The following CDH23 variants were observed in gnomAD, a reference collection of about 807,000 sequenced individuals.
The protein encoded by CDH23 is cadherin-23.
Under a neutral mutation model 317.1 loss-of-function variants are expected in CDH23, and 189 were observed. The ratio of observed to expected loss-of-function variants is 0.60; its 90% CI spans 0.53 to 0.67. The LOEUF (loss-of-function observed/expected upper bound fraction) is 0.67, where lower values mean the gene tolerates loss of function less well. Ranked by LOEUF, CDH23 falls within the 30% of genes least tolerant of loss-of-function variation. The pLI, the probability that CDH23 is intolerant of heterozygous loss-of-function variation, is 0.00. For missense variants in CDH23, 4,401 were observed against 4,592.4 expected (o/e 0.96, Z 1.20); for synonymous variants, 1,839 against 1,876.8 (o/e 0.98, Z 0.52).
intron 41 of CDH23, among the ~76,000 whole-genome samples, chr10:71,780,946 A>G (rs1840935562): frequency 6.6e-6 from 1 of 152,138 alleles, no homozygotes; most frequent in Non-Finnish European, 1.5e-5. Flanking sequence ...ATGTGAGAGA[A>G]AGTCAAGGTT....
intron 14 of CDH23, among the ~76,000 whole-genome samples, chr10:71,672,415 T>C (rs1196663823): frequency 3.9e-5 from 6 of 152,172 alleles, no homozygotes; most frequent in African/African-American, 1.4e-4. Context: ...AGGTCAGTGC[T>C]GCTGCCCTCA....
intron 14 of CDH23, among the ~76,000 whole-genome samples, chr10:71,671,904 A>G (rs1864164049): frequency 6.6e-6 from 1 of 152,186 alleles, no homozygotes; most frequent in South Asian, 2.1e-4. Flanking sequence ...AATATGTGTC[A>G]TGAGAACGTG....
intron 14 of CDH23, among the ~76,000 whole-genome samples, chr10:71,668,370 T>A (rs932294195): frequency 2.6e-5 from 4 of 152,192 alleles, no homozygotes; most frequent in Non-Finnish European, 5.9e-5. Flanking sequence ...CTGGATCCCA[T>A]GGCCGAGCTC....
At chr10:71,761,952 T>C (rs143578704) in intron 38 of CDH23, 2 of 1,613,864 alleles carry the variant, frequency 1.2e-6, no homozygotes, top group African/African-American at 2.7e-5. Context: ...AGCCTGCAGG[T>C]GAGGGTGACG....
At chr10:71,625,527 C>T (rs958383258) in intron 11 of CDH23, among the ~76,000 whole-genome samples, 3 of 151,594 alleles carry the variant, frequency 2.0e-5, no homozygotes, top group South Asian at 2.1e-4. Context: ...TTCTCCTGCT[C>T]ATCTCAGTCT....
intron 9 of CDH23, among the ~76,000 whole-genome samples, chr10:71,592,885 C>T (rs995042130): frequency 2.6e-5 from 4 of 152,170 alleles, no homozygotes; most frequent in Non-Finnish European, 4.4e-5. Context: ...GCCTCTTCTT[C>T]GCGCCGCTCT....
chr10:71,646,015 T>C, intron 13 of CDH23, 35 bp downstream of exon 13: 1 of 1,596,008 alleles, frequency 6.3e-7, no homozygotes, highest in Non-Finnish European at 8.5e-7. Context: ...TGGAGTGGGG[T>C]GGGGGGTGGA....
intron 1 of CDH23, among the ~76,000 whole-genome samples, chr10:71,438,682 A>G (rs557422861): frequency 2.0e-5 from 3 of 152,246 alleles, no homozygotes; most frequent in Admixed American, 2.0e-4. Flanking sequence ...AGCTCTATTC[A>G]CTGCCCTGTG....
chr10:71,724,042 C>T lies in CDH23; in HGVS notation c.3370-3C>T, dbSNP rs1277599655. 7.7e-6 allele frequency: 12 copies of T among 1,557,466 alleles called. No individual in the cohort carries two copies. Among genetic ancestry groups the T allele is most frequent in the Non-Finnish European group, 1.0e-5 (12 of 1,150,208 alleles). On this transcript the variant is annotated splice_polypyrimidine_tract_variant and splice_region_variant and intron_variant, in intron 28 of 69. Transcript: ENST00000224721. ...AAGTAACTCGTGTCTCATTCTTCCT[C>T]AGCTGAAAGCCACGGACGCAGATGA...
intron 3 of CDH23, among the ~76,000 whole-genome samples, chr10:71,497,205 T>G (rs532526371): frequency 2.6e-5 from 4 of 152,360 alleles, no homozygotes; most frequent in African/African-American, 9.6e-5. Context: ...GTGCTCTGTT[T>G]ATTTTAATGA....
intron 38 of CDH23, chr10:71,761,670 G>C: frequency 6.2e-7 from 1 of 1,613,718 alleles, no homozygotes; most frequent in South Asian, 1.1e-5. Context: ...TCCACCACCA[G>C]GCAGCAGTAG....
At chr10:71,565,910 G>A (rs1381116259) in intron 6 of CDH23, among the ~76,000 whole-genome samples, 1 of 152,174 alleles carries the variant, frequency 6.6e-6, no homozygotes, top group East Asian at 1.9e-4. Context: ...CTGTTTTGGA[G>A]GGAATGAGCA....
intron 6 of CDH23, among the ~76,000 whole-genome samples, chr10:71,511,494 G>A (rs1853984269): frequency 6.8e-6 from 1 of 147,594 alleles, no homozygotes; most frequent in African/African-American, 2.5e-5. Context: ...CAAGAGTTGG[G>A]AGAAGCAGGT....
At chr10:71,541,023 C>T (rs1048870805) in intron 6 of CDH23, among the ~76,000 whole-genome samples, 1 of 152,054 alleles carries the variant, frequency 6.6e-6, no homozygotes, top group Non-Finnish European at 1.5e-5. Flanking sequence ...AAGGAGAGGG[C>T]CCCAGATCTC....
rs775617234 is a variant in CDH23 at position 71,791,205 on chromosome 10, G to A, written c.6123G>A (p.Leu2041=). ...AFSPPILELL[L]LAEDIGLLNS... ...CGCCACCCATCCTGGAGCTGCTGCTGCTGGCTGAGGACATCGGGCTGCTCA... is the reference window on the plus strand; with the variant it reads ...CGCCACCCATCCTGGAGCTGCTGCTACTGGCTGAGGACATCGGGCTGCTCA... The change falls in exon 47 of 70, where the codon CTG becomes CTA. Residue 2041 remains leucine (L), a synonymous_variant. Coordinates refer to ENST00000224721, the MANE Select transcript of CDH23 (RefSeq NM_022124.6). 2 of 1,613,578 alleles carry A rather than the reference G, an allele frequency of 1.2e-6. No homozygotes were observed. Among genetic ancestry groups the A allele is most frequent in the Non-Finnish European group, 1.7e-6 (2 of 1,179,734 alleles).
intron 14 of CDH23, among the ~76,000 whole-genome samples, chr10:71,671,206 C>G (rs145106217): frequency 6.6e-6 from 1 of 151,940 alleles, no homozygotes; most frequent in African/African-American, 2.4e-5. Context: ...GTGACCCATC[C>G]GCCTCGGCCT....
chr10:71,512,873 T>A (rs367559576), intron 6 of CDH23, among the ~76,000 whole-genome samples: 47 of 152,314 alleles, frequency 3.1e-4, no homozygotes, highest in African/African-American at 1.1e-3. Context: ...TGAGCCAGGC[T>A]GTCATTGTGC....
intron 20 of CDH23, among the ~76,000 whole-genome samples, chr10:71,691,966 G>A (rs1794272980): frequency 6.6e-6 from 1 of 152,150 alleles, no homozygotes; most frequent in Non-Finnish European, 1.5e-5. Context: ...AGAAAGTGAG[G>A]GCCCTCCTCC....
intron 12 of CDH23, among the ~76,000 whole-genome samples, chr10:71,645,089 T>C (rs1470923092): frequency 6.6e-6 from 1 of 152,256 alleles, no homozygotes; most frequent in Admixed American, 6.5e-5. Flanking sequence ...TGAGGGGCTC[T>C]GTGAGCCACA....
Sources: gnomAD v4.1 joint callset for allele counts (sites outside exome capture counted in the v4.1 genomes callset) on GRCh38, gnomAD v4.1.1 for gene constraint, MANE v1.5 for transcripts, NCBI Gene and HGNC (gene_info 2026-07-23, HGNC 2026-07-21) for gene names.